Variants in MAP4K5 observed in about 807,000 individuals in gnomAD.
MAP4K5 encodes the protein MAPK/ERK kinase kinase kinase 5.
A neutral mutation model predicts 135.6 loss-of-function variants in MAP4K5; 82 were observed. The ratio of observed to expected loss-of-function variants is 0.60; its 90% CI spans 0.51 to 0.73. The LOEUF (loss-of-function observed/expected upper bound fraction) is 0.73, where lower values mean the gene tolerates loss of function less well. MAP4K5 is among the 30% of genes least tolerant of loss of function. MAP4K5 has a pLI of 0.00. For synonymous variants in MAP4K5, 347 were observed against 335.0 expected (o/e 1.04, Z -0.39); for missense variants, 907 against 1,010.9 (o/e 0.90, Z 1.39).
intron 13 of MAP4K5, among the ~76,000 whole-genome samples, chr14:50,461,025 A>ATATT (rs2036700065): frequency 6.6e-6 from 1 of 152,174 alleles, no homozygotes; most frequent in African/African-American, 2.4e-5. Context: ...AGTTACTATA[A>ATATT]TATTTATTTA....
intron 13 of MAP4K5, among the ~76,000 whole-genome samples, chr14:50,460,094 A>G (rs974992196): frequency 2.0e-5 from 3 of 151,974 alleles, no homozygotes; most frequent in Admixed American, 6.6e-5. Context: ...GGCCACTTAC[A>G]TTTATTCTCT....
intron 15 of MAP4K5, among the ~76,000 whole-genome samples, 162 bp from the exon 16 acceptor site, chr14:50,447,643 G>A (rs924666263): frequency 2.6e-5 from 4 of 152,026 alleles, no homozygotes; most frequent in African/African-American, 9.7e-5. Context: ...GACATATTTA[G>A]GTCAATGACT....
chr14:50,486,830 A>C (rs932277434), intron 3 of MAP4K5, among the ~76,000 whole-genome samples: 2 of 151,968 alleles, frequency 1.3e-5, no homozygotes, highest in African/African-American at 4.8e-5. Context: ...TTGAAATGGA[A>C]CTTCAAGTTT....
chr14:50,486,331 GAATCTTTCT>G (rs2139933053), intron 3 of MAP4K5, 137 bp from the exon 4 acceptor site: 1 of 478,060 alleles, frequency 2.1e-6, no homozygotes, highest in South Asian at 3.2e-5. Flanking sequence ...TAAACTGGTA[GAATCTTTCT>G]ATAAAGTCAG....
upstream of MAP4K5, among the ~76,000 whole-genome samples, chr14:50,534,647 G>A (rs934000926): frequency 6.6e-6 from 1 of 152,208 alleles, no homozygotes; most frequent in Non-Finnish European, 1.5e-5. Context: ...TCAACCTAGA[G>A]GCAGATAGCA....
At chr14:50,420,591 C>T (rs2035705189) in intron 32 of MAP4K5, among the ~76,000 whole-genome samples, 1 of 152,138 alleles carries the variant, frequency 6.6e-6, no homozygotes, top group African/African-American at 2.4e-5. Context: ...GTGATTGTGC[C>T]ACTGCACTTC....
At chr14:50,534,819 A>G (rs370054822), upstream of MAP4K5, among the ~76,000 whole-genome samples, 27 of 152,394 alleles carry the variant, frequency 1.8e-4, no homozygotes, top group East Asian at 9.6e-4. Flanking sequence ...TGGTTGAGTT[A>G]ATTTTAACAA....
In MAP4K5 at chr14:50,438,025, T is replaced by C. The variant is rs2036137270; in HGVS notation, c.1709-17A>G. On this transcript the variant is annotated splice_polypyrimidine_tract_variant and intron_variant, in intron 24 of 32. Transcript: ENST00000682126. ...AGGTTTTTCCTATAAAAGAAAAACA[T>C]GTTACCTTTTTGAGAATCATTTACA... The C allele has an allele frequency of 3.7e-6, 5 of 1,333,794 alleles. No individual in the cohort carries two copies. Among genetic ancestry groups the C allele is most frequent in the Non-Finnish European group, 5.4e-6 (5 of 926,330 alleles). 82.6% of individuals were successfully genotyped at this position (1,333,794 alleles called of 1,614,324 possible). A position where few individuals can be genotyped will look rare whatever the true frequency, so the allele number is the denominator to read the frequency against.
intron 3 of MAP4K5, among the ~76,000 whole-genome samples, chr14:50,497,054 G>A (rs1001207168): frequency 7.9e-5 from 12 of 152,002 alleles, no homozygotes; most frequent in African/African-American, 2.4e-4. Flanking sequence ...TAATTTTAGC[G>A]GTAGTTCATT....
Position 50,420,598 on chromosome 14 carries a change from C to G in MAP4K5, c.2454-492G>C, listed in dbSNP as rs151028293. Among the ~76,000 whole-genome samples, 3 of 152,300 alleles carry G rather than the reference C, an allele frequency of 2.0e-5. No individual in the cohort carries two copies. The East Asian group carries it at 5.8e-4, about 29-fold the overall frequency. ...AGGAAACTGTGATTGTGCCACTGCA[C>G]TTCAGCCTGGGTGAGAGAGTGAGAC... On this transcript the variant is annotated intron_variant, in intron 32 of 32. Coordinates refer to ENST00000682126, the MANE Select transcript of MAP4K5 (RefSeq NM_006575.6).
intron 1 of MAP4K5, among the ~76,000 whole-genome samples, chr14:50,545,422 G>A (rs538525409): frequency 3.8e-4 from 58 of 152,346 alleles, no homozygotes; most frequent in Non-Finnish European, 7.6e-4. Flanking sequence ...AGGAAGGGGT[G>A]TCTGCAGTGG....
intron 6 of MAP4K5, among the ~76,000 whole-genome samples, chr14:50,480,784 T>C (rs1397351207): frequency 1.3e-5 from 2 of 152,208 alleles, no homozygotes; most frequent in African/African-American, 4.8e-5. Flanking sequence ...CTAGGGTATA[T>C]GTATAGCCCT....
At chr14:50,527,902 G>A (rs573399538) in intron 2 of MAP4K5, among the ~76,000 whole-genome samples, 4 of 152,054 alleles carry the variant, frequency 2.6e-5, no homozygotes, top group Admixed American at 6.5e-5. Flanking sequence ...ATCTAGGCTG[G>A]AAGCAATTTT....
chr14:50,506,792 T>C (rs1188641991), intron 2 of MAP4K5, among the ~76,000 whole-genome samples: 1 of 152,226 alleles, frequency 6.6e-6, no homozygotes, highest in Non-Finnish European at 1.5e-5. Flanking sequence ...TTCATAGTTA[T>C]AGTTACTTCT....
At chr14:50,503,140 G>A (rs920326193) in intron 3 of MAP4K5, among the ~76,000 whole-genome samples, 1 of 151,706 alleles carries the variant, frequency 6.6e-6, no homozygotes, top group African/African-American at 2.4e-5. Flanking sequence ...ATTGTGGGAA[G>A]TGTAAAATAC....
intron 3 of MAP4K5, among the ~76,000 whole-genome samples, chr14:50,488,006 AAC>A (rs1263656860): frequency 3.9e-5 from 6 of 152,180 alleles, no homozygotes; most frequent in Non-Finnish European, 8.8e-5. Context: ...TATATATATT[AAC>A]ACATATATAT....
intron 2 of MAP4K5, among the ~76,000 whole-genome samples, chr14:50,513,643 A>AC (rs773785179): frequency 6.6e-6 from 1 of 151,608 alleles, no homozygotes; most frequent in Non-Finnish European, 1.5e-5. Flanking sequence ...GGCAACCAAG[A>AC]CCATCACCAT....
intron 17 of MAP4K5, 80 bp downstream of exon 17, chr14:50,445,998 GA>G: frequency 1.1e-6 from 1 of 951,230 alleles, no homozygotes; most frequent in Non-Finnish European, 1.5e-6. Context: ...AGAAAATTTT[GA>G]AAAAACTCAA....
intron 16 of MAP4K5, among the ~76,000 whole-genome samples, chr14:50,446,934 A>G (rs1459935974): frequency 1.3e-5 from 2 of 152,210 alleles, no homozygotes; most frequent in Non-Finnish European, 2.9e-5. Flanking sequence ...AACCATTAAA[A>G]ATGTATTTAC....
Sources: gnomAD v4.1 joint callset for allele counts (sites outside exome capture counted in the v4.1 genomes callset) on GRCh38, gnomAD v4.1.1 for gene constraint, MANE v1.5 for transcripts, NCBI Gene and HGNC (gene_info 2026-07-23, HGNC 2026-07-21) for gene names.